MYO1A: variants seen among roughly 807,000 people sequenced by gnomAD.
MYO1A encodes the protein myosin IA.
A neutral mutation model predicts 138.5 loss-of-function variants in MYO1A; 127 were observed. That is an observed-to-expected ratio of 0.92 (90% CI 0.79 to 1.06). The LOEUF is 1.06. Among genes scored for constraint, MYO1A ranks in the 50% least tolerant of loss-of-function variants. MYO1A has a pLI of 0.00. For missense variants in MYO1A, 1,211 were observed against 1,288.8 expected, an observed-to-expected ratio of 0.94 and a Z score of 0.92; for synonymous variants, 477 against 497.5, an observed-to-expected ratio of 0.96 and a Z score of 0.55.
chr12:57,041,320 C>T (rs1461140676), intron 13 of MYO1A, 32 bp from the exon 14 acceptor site: 1 of 1,605,412 alleles, frequency 6.2e-7, no homozygotes, highest in South Asian at 1.1e-5. Context: ...AGAGAGCTCA[C>T]TCCAAGACTG....
rs2030092016 is a variant in MYO1A at position 57,028,632 on chromosome 12, GT to G, written c.*122del. ...GGGACAAGGGTCCTCTTCAAGGGTA[GT>G]TTAATCCCCAAGCCATGCGCCACGA... is the stretch of plus-strand genomic sequence containing the variant. On this transcript the variant is annotated 3_prime_UTR_variant, in exon 28 of 28. Coordinates refer to ENST00000300119, the MANE Select transcript of MYO1A (RefSeq NM_005379.4). The G allele has an allele frequency of 7.2e-7, 1 of 1,398,586 alleles. No homozygotes were observed. The highest frequency in any genetic ancestry group is 9.8e-7 in the Non-Finnish European group (1 of 1,018,434). The allele number at this position is 1,398,586 out of a possible 1,614,324, so 86.6% of individuals were successfully genotyped here.
chr12:57,041,176 T>C lies in MYO1A; in HGVS notation c.1269+8A>G, dbSNP rs765992337. 19 of 1,604,686 alleles carry C rather than the reference T, an allele frequency of 1.2e-5. No homozygotes were observed. The highest frequency in any genetic ancestry group is 1.7e-5 in the Admixed American group (1 of 59,996). ...TTAAGAGGGGGAAGTAGAAAAGACT[T>C]GGTTTACTTCTCTCTTATATTCCTC... On this transcript the variant is annotated splice_region_variant and intron_variant, in intron 14 of 27. Transcript: ENST00000300119.
chr12:57,031,896 C>T (rs1352425200), intron 22 of MYO1A, among the ~76,000 whole-genome samples: 1 of 152,212 alleles, frequency 6.6e-6, no homozygotes, highest in Non-Finnish European at 1.5e-5. Flanking sequence ...TCTGGCCTTT[C>T]CCAGGGTTTC....
In MYO1A at chr12:57,039,285, GAGACAACAAA is replaced by G; in HGVS notation, c.1270-21_1270-12del. The G allele has an allele frequency of 1.2e-6, 2 of 1,612,212 alleles. No homozygotes were observed. Among genetic ancestry groups the G allele is most frequent in the Non-Finnish European group, 1.7e-6 (2 of 1,178,272 alleles). ...TGTCCACGGTATGCCCTGGTCAGGG[GAGACAACAAA>G]TTACAGGGAACACGTCCAAGACAAG... On this transcript the variant is annotated splice_polypyrimidine_tract_variant and intron_variant, in intron 14 of 27. Transcript: ENST00000300119.
At position 57,030,181 on chromosome 12, in the gene MYO1A, T is replaced by A. The variant is rs1460627490; in HGVS notation, c.2591+29A>T. The A allele has an allele frequency of 3.2e-6, 5 of 1,571,124 alleles. No individual in the cohort carries two copies. The East Asian group carries it at 1.1e-4, about 35-fold the overall frequency. On this transcript the variant is annotated intron_variant, in intron 24 of 27. Coordinates refer to ENST00000300119, the MANE Select transcript of MYO1A (RefSeq NM_005379.4). ...TTTGAGAACTGCTGCGTGATGGAAC[T>A]GGCTGTGCAGGGTCTGGGAGGCCCT...
intron 22 of MYO1A, among the ~76,000 whole-genome samples, chr12:57,035,681 A>G (rs184309952): frequency 2.6e-5 from 4 of 152,308 alleles, no homozygotes; most frequent in Admixed American, 2.6e-4. Context: ...CACTATTGCT[A>G]TCTGACTGAA....
rs753853677 is a variant in MYO1A, at chr12:57,046,535, C to A, written c.640+17G>T. 3.7e-6 allele frequency: 6 copies of A among 1,603,434 alleles called. No homozygotes were observed. In the East Asian group the frequency reaches 1.3e-4, roughly 36 times the overall value. On this transcript the variant is annotated intron_variant, in intron 8 of 27. Transcript: ENST00000300119. ...ATGTGTCACTCATGAGGACACTTTC[C>A]CCATGCAGGCACATACTCAGCAGCT...
rs762566345 is a variant in MYO1A at position 57,044,235 on chromosome 12, T to C, written c.641-26A>G. 78 of 1,592,124 alleles carry C rather than the reference T, an allele frequency of 4.9e-5. No homozygotes were observed. The Middle Eastern group carries it at 8.3e-4, about 17-fold the overall frequency. On this transcript the variant is annotated intron_variant, in intron 8 of 27. Coordinates refer to ENST00000300119, the MANE Select transcript of MYO1A (RefSeq NM_005379.4). ...CTGGGAGGGCCAGTGTTGGGGAAGATGGTTAGTACCCAGGCTCTCTGGAGC... is the reference window on the plus strand; with the variant it reads ...CTGGGAGGGCCAGTGTTGGGGAAGACGGTTAGTACCCAGGCTCTCTGGAGC...
In MYO1A at chr12:57,047,648, C is replaced by T. The variant is rs149803771; in HGVS notation, c.304G>A (p.Glu102Lys). 1.4e-4 allele frequency: 223 copies of T among 1,614,220 alleles called. No homozygotes were observed. The highest frequency in any genetic ancestry group is 3.2e-4 in the African/African-American group (24 of 75,054). ...TCACCAGTCTTCCCTGATCCACTCT[C>T]GCCTGTGATGAGGATACACTGGTCT... ...DRDQCILITG[E>K]SGSGKTEASK... Residue 102 changes from glutamate to lysine, a missense_variant, in exon 4 of 28, where the codon GAG becomes AAG. Transcript: ENST00000300119.
chr12:57,028,764 A>T lies in MYO1A; in HGVS notation c.3123T>A (p.Thr1041=). 1 of 1,614,110 alleles carries T rather than the reference A, an allele frequency of 6.2e-7. No individual in the cohort carries two copies. Among genetic ancestry groups the T allele is most frequent in the Non-Finnish European group, 8.5e-7 (1 of 1,179,990 alleles). Residue 1041 remains threonine (T), a synonymous_variant, in exon 28 of 28, where the codon ACT becomes ACA. Coordinates refer to ENST00000300119, the MANE Select transcript of MYO1A (RefSeq NM_005379.4). ...KKKGSHCLEV[T]VQ is the part of the protein sequence containing the mutation. ...GCATGGTGCCCCCTCCTCACTGCACAGTCACCTCCAAGCAATGACTCCCCT... is the reference window on the plus strand; with the variant it reads ...GCATGGTGCCCCCTCCTCACTGCACTGTCACCTCCAAGCAATGACTCCCCT...
At chr12:57,049,072 T>C (rs889539016) in intron 1 of MYO1A, among the ~76,000 whole-genome samples, 3 of 152,256 alleles carry the variant, frequency 2.0e-5, no homozygotes, top group African/African-American at 7.2e-5. Context: ...GTCTCTATTT[T>C]TCCATCTCTA....
chr12:57,047,704 A>G lies in MYO1A; in HGVS notation c.248T>C (p.Val83Ala), dbSNP rs772702518. 4 of 1,614,100 alleles carry G rather than the reference A, an allele frequency of 2.5e-6. No individual in the cohort carries two copies. In the African/African-American group the frequency reaches 4.0e-5, roughly 16 times the overall value. ...LKPHIYALAN[V>A]AYQSLRDRDR... ...CCTGTCCCTCAGTGACTGGTACGCCACATTTGCCAATGCGTAGCTTGTGGG... is the reference window on the plus strand; with the variant it reads ...CCTGTCCCTCAGTGACTGGTACGCCGCATTTGCCAATGCGTAGCTTGTGGG... Residue 83 changes from valine to alanine, a missense_variant, in exon 4 of 28, where the codon GTG (valine) becomes GCG (alanine). Physicochemically the swap from Val to Ala is moderately conservative, Grantham distance 64. Coordinates refer to ENST00000300119, the MANE Select transcript of MYO1A (RefSeq NM_005379.4).
In MYO1A at chr12:57,038,393, C is replaced by T. The variant is rs747242171; in HGVS notation, c.1760+19G>A. On this transcript the variant is annotated intron_variant, in intron 17 of 27. Transcript: ENST00000300119. ...GCCATCACATATGTAGCATGTTCCC[C>T]TGCATGCCAGCATGTCACCTGATGT... The T allele has an allele frequency of 1.9e-6, 3 of 1,612,320 alleles. No homozygotes were observed. The highest frequency in any genetic ancestry group is 1.3e-5 in the African/African-American group (1 of 74,878).
At chr12:57,049,232 G>C (rs1375023979) in intron 1 of MYO1A, among the ~76,000 whole-genome samples, 7 of 152,224 alleles carry the variant, frequency 4.6e-5, no homozygotes, top group African/African-American at 1.7e-4. Context: ...CACATGGCAG[G>C]TGTTCCCTAA....
At chr12:57,045,922 C>A (rs1271263419) in intron 8 of MYO1A, among the ~76,000 whole-genome samples, 1 of 152,234 alleles carries the variant, frequency 6.6e-6, no homozygotes, top group African/African-American at 2.4e-5. Flanking sequence ...TCTGCTCACA[C>A]ACCTCTTATC....
chr12:57,040,730 A>G (rs752127671), intron 14 of MYO1A, among the ~76,000 whole-genome samples: 3 of 152,134 alleles, frequency 2.0e-5, no homozygotes, highest in African/African-American at 4.8e-5. Flanking sequence ...ACACTTAGCC[A>G]TAGAAATTGG....
In MYO1A at chr12:57,041,464, C is replaced by G. The variant is rs1222093144; in HGVS notation, c.1132G>C (p.Val378Leu). ...ATCTCAAAACCGTAGATATCAAGGACTCCCATTACCTTCTTCTTTTCCCCG... is the reference window on the plus strand; with the variant it reads ...ATCTCAAAACCGTAGATATCAAGGAGTCCCATTACCTTCTTCTTTTCCCCG... Reference protein sequence around the residue: ...GIGEKKKVMGVLDIYGFEILE... With the variant: ...GIGEKKKVMGLLDIYGFEILE... Residue 378 changes from valine (V) to leucine (L), a missense_variant, in exon 13 of 28, where the codon GTC (valine) becomes CTC (leucine). By Grantham distance (32) the Val-to-Leu change is conservative (BLOSUM62 1). Coordinates refer to ENST00000300119, the MANE Select transcript of MYO1A (RefSeq NM_005379.4). 9 of 1,613,714 alleles carry G rather than the reference C, an allele frequency of 5.6e-6. No individual in the cohort carries two copies. The Admixed American group carries it at 1.0e-4, about 18-fold the overall frequency.
In MYO1A at chr12:57,043,244, A is replaced by G; in HGVS notation, c.1007T>C (p.Met336Thr). 1 of 1,614,160 alleles carries G rather than the reference A, an allele frequency of 6.2e-7. No individual in the cohort carries two copies. The highest frequency in any genetic ancestry group is 1.1e-5 in the South Asian group (1 of 91,088). Reference protein sequence around the residue: ...KEKVVTALNVMQAQYARDALA... With the variant: ...KEKVVTALNVTQAQYARDALA... ...CCACTCCAGTGAGCTCCTTACCTGC[A>G]TAACATTCAGTGCAGTGACCACCTT... The change falls in exon 11 of 28, where the codon ATG becomes ACG. Residue 336 changes from methionine (M) to threonine (T), a missense_variant. By Grantham distance (81) the Met-to-Thr change is moderately conservative. Coordinates refer to ENST00000300119, the MANE Select transcript of MYO1A (RefSeq NM_005379.4).
At position 57,029,898 on chromosome 12, in the gene MYO1A, C is replaced by T. The variant is rs189679072; in HGVS notation, c.2592-26G>A. On this transcript the variant is annotated intron_variant, in intron 24 of 27. Coordinates refer to ENST00000300119, the MANE Select transcript of MYO1A (RefSeq NM_005379.4). ...CTGAGAACACATGGGAGGTGTGCAG[C>T]GCGACAAGGCCCAGAGGCCTCTTCC... 8.2e-5 allele frequency: 133 copies of T among 1,614,036 alleles called. No homozygotes were observed. In the East Asian group the frequency reaches 2.7e-3, roughly 33 times the overall value.
Sources: allele counts gnomAD v4.1 joint callset (sites outside exome capture counted in the v4.1 genomes callset), GRCh38; gene constraint gnomAD v4.1.1; transcripts MANE v1.5; gene names NCBI Gene and HGNC (gene_info 2026-07-23, HGNC 2026-07-21).